The following FAM117B variants were observed in gnomAD, a reference collection of about 807,000 sequenced individuals.
FAM117B encodes family with sequence similarity 117 member B, also known as protein FAM117B.
In FAM117B, 22 loss-of-function variants were observed where a neutral mutation model predicts 52.8. The observed-to-expected ratio is 0.42, with a 90% CI of 0.30 to 0.59. FAM117B has a LOEUF of 0.59. FAM117B is among the 20% of genes least tolerant of loss of function. FAM117B has a pLI of 0.22. For synonymous variants in FAM117B, 309 were observed against 324.1 expected (o/e 0.95, Z 0.50); for missense variants, 678 against 802.6 (o/e 0.84, Z 1.88).
At position 202,767,889 on chromosome 2, in the gene FAM117B, C is replaced by T. The variant is rs1054346531; in HGVS notation, c.*2125C>T. 4 of 152,114 alleles carry T rather than the reference C, an allele frequency of 2.6e-5. No homozygotes were observed. Among genetic ancestry groups the T allele is most frequent in the Admixed American group, 6.5e-5 (1 of 15,276 alleles). The allele number at this position is 152,114 out of a possible 1,614,324, so 9.4% of individuals were successfully genotyped here. On this transcript the variant is annotated 3_prime_UTR_variant, in exon 8 of 8. Coordinates refer to ENST00000392238, the MANE Select transcript of FAM117B (RefSeq NM_173511.4). ...AAAACTAATTTATTTGGAACTAGTACGTTATGGCTTCTCAGTCATGAAAAG... is the reference window on the plus strand; with the variant it reads ...AAAACTAATTTATTTGGAACTAGTATGTTATGGCTTCTCAGTCATGAAAAG...
rs555018776 is a variant in FAM117B, at chr2:202,711,333, C to T, written c.754-13584C>T. ...CAGTGATTGAGCACTTTTACATATA[C>T]CTGTTTGTCATTTGTATGTCTTTTG... On this transcript the variant is annotated intron_variant, in intron 2 of 7. Transcript: ENST00000392238. 3.3e-5 allele frequency among the ~76,000 whole-genome samples: 5 copies of T among 152,166 alleles called. No individual in the cohort carries two copies. In the South Asian group the frequency reaches 8.3e-4, roughly 25 times the overall value.
At chr2:202,642,479 T>C (rs1180378825) in intron 1 of FAM117B, among the ~76,000 whole-genome samples, 3 of 151,676 alleles carry the variant, frequency 2.0e-5, no homozygotes, top group African/African-American at 7.3e-5. Flanking sequence ...AAAGACTGAT[T>C]TGGCAAACTG....
chr2:202,645,750 C>T (rs933505992), intron 1 of FAM117B, among the ~76,000 whole-genome samples: 4 of 151,454 alleles, frequency 2.6e-5, no homozygotes, highest in African/African-American at 7.3e-5. Context: ...ACTGTAGGCG[C>T]GCGCCACCAC....
chr2:202,712,057 A>AT lies in FAM117B; in HGVS notation c.754-12851dup, dbSNP rs999660281. Among the ~76,000 whole-genome samples the AT allele has an allele frequency of 1.1e-4, 16 of 151,108 alleles. No individual in the cohort carries two copies. In the South Asian group the frequency reaches 1.3e-3, roughly 12 times the overall value. On this transcript the variant is annotated intron_variant, in intron 2 of 7. Coordinates refer to ENST00000392238, the MANE Select transcript of FAM117B (RefSeq NM_173511.4). The stretch of plus-strand genomic sequence containing the variant: ...TTTGTGGATCCTTATAAATTTTAGG[A>AT]TTTTTTTTTCCATTTCTGTGAAGAA...
At chr2:202,700,644 C>A (rs1417360284) in intron 2 of FAM117B, among the ~76,000 whole-genome samples, 3 of 151,136 alleles carry the variant, frequency 2.0e-5, no homozygotes, top group Non-Finnish European at 4.4e-5. Flanking sequence ...TCCAGAAGAT[C>A]TAGCTAAGAT....
intron 2 of FAM117B, among the ~76,000 whole-genome samples, chr2:202,714,522 CTTTTTTTTTTCTTTT>C (rs1471555917): frequency 6.5e-5 from 8 of 123,858 alleles, no homozygotes; most frequent in Admixed American, 6.4e-4. Context: ...GTTGTTATAT[CTTTTTTTTTTCTTTT>C]TTTTTTTTTT....
chr2:202,636,039 G>C (rs1689681606), intron 1 of FAM117B, among the ~76,000 whole-genome samples: 1 of 151,698 alleles, frequency 6.6e-6, no homozygotes, highest in African/African-American at 2.4e-5. Context: ...GGTGGTGGAG[G>C]TGCAGCGGCT....
intron 1 of FAM117B, 134 bp downstream of exon 1, chr2:202,635,922 G>A: frequency 2.2e-6 from 2 of 927,124 alleles, no homozygotes; most frequent in Non-Finnish European, 1.3e-6. Context: ...GGGCGGTGCC[G>A]GGCGGTGGGG....
At chr2:202,642,618 C>T (rs1381138536) in intron 1 of FAM117B, among the ~76,000 whole-genome samples, 4 of 152,056 alleles carry the variant, frequency 2.6e-5, no homozygotes, top group African/African-American at 9.7e-5. Context: ...TTGGTTTGTG[C>T]TCTCAGGAAC....
intron 1 of FAM117B, among the ~76,000 whole-genome samples, chr2:202,648,871 C>T (rs1360513167): frequency 1.3e-5 from 2 of 151,966 alleles, no homozygotes; most frequent in African/African-American, 2.4e-5. Flanking sequence ...AGGCGATTCT[C>T]CTGCCTCAGC....
chr2:202,722,665 C>T (rs1175054125), intron 2 of FAM117B, among the ~76,000 whole-genome samples: 1 of 151,806 alleles, frequency 6.6e-6, no homozygotes, highest in East Asian at 1.9e-4. Context: ...ATTCTGGGGC[C>T]TTCTAGAGGG....
chr2:202,666,605 C>G (rs1358510706), intron 1 of FAM117B, among the ~76,000 whole-genome samples: 1 of 151,214 alleles, frequency 6.6e-6, no homozygotes, highest in Non-Finnish European at 1.5e-5. Flanking sequence ...AGACAACTTT[C>G]ACTTTCTACT....
At chr2:202,685,054 C>T (rs1457097882) in intron 1 of FAM117B, among the ~76,000 whole-genome samples, 1 of 151,958 alleles carries the variant, frequency 6.6e-6, no homozygotes, top group African/African-American at 2.4e-5. Context: ...GTGATCTTGG[C>T]TCACTGCAAC....
At chr2:202,691,698 T>A in intron 1 of FAM117B, among the ~76,000 whole-genome samples, 1 of 131,160 alleles carries the variant, frequency 7.6e-6, no homozygotes, top group East Asian at 2.1e-4. Flanking sequence ...TGTGTGTGTG[T>A]GCGCGCGCGC....
At chr2:202,692,626 T>C (rs1323628350) in intron 1 of FAM117B, among the ~76,000 whole-genome samples, 1 of 152,230 alleles carries the variant, frequency 6.6e-6, no homozygotes, top group African/African-American at 2.4e-5. Flanking sequence ...AAAGTTAGCG[T>C]TCCATATCAT....
At chr2:202,705,604 A>G (rs561859479) in intron 2 of FAM117B, among the ~76,000 whole-genome samples, 1 of 152,232 alleles carries the variant, frequency 6.6e-6, no homozygotes, top group Non-Finnish European at 1.5e-5. Flanking sequence ...CTGATTTGCC[A>G]TTTCTGCTTT....
intron 1 of FAM117B, among the ~76,000 whole-genome samples, chr2:202,690,551 T>C (rs1231114386): frequency 1.3e-5 from 2 of 152,124 alleles, no homozygotes; most frequent in African/African-American, 4.8e-5. Flanking sequence ...TGAGGAAGAT[T>C]TTCCAGAGGA....
intron 1 of FAM117B, among the ~76,000 whole-genome samples, chr2:202,675,570 C>G (rs1017970637): frequency 4.0e-5 from 6 of 151,634 alleles, no homozygotes; most frequent in African/African-American, 1.5e-4. Flanking sequence ...CTTGGTCATA[C>G]CTCTAGTGGG....
intron 2 of FAM117B, among the ~76,000 whole-genome samples, chr2:202,711,097 T>C (rs541510952): frequency 6.6e-6 from 1 of 152,310 alleles, no homozygotes; most frequent in African/African-American, 2.4e-5. Context: ...CTGGATCATA[T>C]GGTTCCTCTA....
Sources: allele counts gnomAD v4.1 joint callset (sites outside exome capture counted in the v4.1 genomes callset), GRCh38; gene constraint gnomAD v4.1.1; transcripts MANE v1.5; gene names NCBI Gene and HGNC (gene_info 2026-07-23, HGNC 2026-07-21).